Variants in INTS5 observed in about 807,000 individuals in gnomAD.
The protein encoded by INTS5 is integrator complex subunit 5.
In INTS5, 29 loss-of-function variants were observed where a neutral mutation model predicts 60.0. That is an observed-to-expected ratio of 0.48 (90% confidence interval 0.36 to 0.66). The LOEUF is 0.66. Ranked by LOEUF, INTS5 falls within the 30% of genes least tolerant of loss-of-function variation. The probability of loss-of-function intolerance (pLI) is 0.00; values close to 1 mark genes in which losing one functional copy is unlikely to be tolerated. For synonymous variants in INTS5, 588 were observed against 558.8 expected, an observed-to-expected ratio of 1.05 and a Z score of -0.74; for missense variants, 1,129 against 1,307.9, an observed-to-expected ratio of 0.86 and a Z score of 2.11.
rs1303754058 is a variant in INTS5, at chr11:62,649,486, C to T, written c.594G>A (p.Ser198=). The T allele has an allele frequency of 6.8e-6, 11 of 1,614,072 alleles. No individual in the cohort carries two copies. The highest frequency in any genetic ancestry group is 4.5e-5 in the East Asian group (2 of 44,908). The change falls in exon 2 of 2, where the codon TCG becomes TCA. Residue 198 remains serine, a synonymous_variant. Transcript: ENST00000330574. The surrounding 1 kb of genome is among the most constrained non-coding windows in gnomAD (Gnocchi z 6.0). Reference sequence around the variant, plus strand: ...CATCTGGGCAGCTACCAATGAGAGCCGAGAGGCACTGCACATAGATGTCCA... The same window carrying T: ...CATCTGGGCAGCTACCAATGAGAGCTGAGAGGCACTGCACATAGATGTCCA... ...TLMDIYVQCL[S]ALIGSCPDAC... is the part of the protein sequence containing the mutation.
In INTS5 at chr11:62,648,321, GCTGTTCCCACCCTA is replaced by G; in HGVS notation, c.1745_1758del (p.Val582AlafsTer23). The G allele has an allele frequency of 6.2e-7, 1 of 1,613,844 alleles. No homozygotes were observed. The highest frequency in any genetic ancestry group is 8.5e-7 in the Non-Finnish European group (1 of 1,179,994). On this transcript the variant is annotated frameshift_variant, in exon 2 of 2. Coordinates refer to ENST00000330574, the MANE Select transcript of INTS5 (RefSeq NM_030628.2). LOFTEE classifies it high-confidence loss of function. The surrounding 1 kb of genome is among the most constrained non-coding windows in gnomAD (Gnocchi z 4.4). ...AGGGCTGCAGGGCCCTCGCCACCCT[GCTGTTCCCACCCTA>G]CTAGCAGTGCCAAGTTGCGCAGGAA... is the stretch of plus-strand genomic sequence containing the variant.
In INTS5 at chr11:62,649,031, G is replaced by A; in HGVS notation, c.1049C>T (p.Ala350Val). ...CTCTCCAGAGACAGTGCCCAGCAAA[G>A]CTGGTGACATGACTGCCAGCTGCAG... is the stretch of plus-strand genomic sequence containing the variant. The part of the protein sequence containing the change: ...FLLQLAVMSP[A>V]LLGTVSGELV... The change falls in exon 2 of 2, where the codon GCT (alanine) becomes GTT (valine). Residue 350 changes from alanine (A) to valine (V), a missense_variant. Transcript: ENST00000330574. This position sits in a 1 kb window ranked among gnomAD's most constrained non-coding sequence, Gnocchi z 6.0. The A allele has an allele frequency of 6.2e-7, 1 of 1,612,746 alleles. No homozygotes were observed. Among genetic ancestry groups the A allele is most frequent in the Non-Finnish European group, 8.5e-7 (1 of 1,179,114 alleles).
Position 62,647,769 on chromosome 11 carries a change from C to G in INTS5, c.2311G>C (p.Glu771Gln), listed in dbSNP as rs1944542653. Residue 771 changes from glutamate to glutamine, a missense_variant, in exon 2 of 2, where the codon GAA becomes CAA. Coordinates refer to ENST00000330574, the MANE Select transcript of INTS5 (RefSeq NM_030628.2). ...PKFVQSRNQQ[E>Q]VIYNTQSLLS... ...AGGCTCTGGGTGTTATAGATCACTT[C>G]CTGCTGATTTCGTGACTGGACAAAC... The G allele has an allele frequency of 1.2e-6, 2 of 1,614,094 alleles. No individual in the cohort carries two copies. The highest frequency in any genetic ancestry group is 2.2e-5 in the South Asian group (2 of 91,090).
intron 1 of INTS5, 37 bp downstream of exon 1, chr11:62,653,133 C>G: frequency 6.7e-6 from 8 of 1,202,498 alleles, no homozygotes; most frequent in Non-Finnish European, 8.5e-6. Flanking sequence ...GGCGCGGGGC[C>G]GCGCGATGGG....
rs1228874159 is a variant in INTS5, at chr11:62,647,568, G to C, written c.2512C>G (p.Arg838Gly). 6.2e-7 allele frequency: 1 copy of C among 1,613,746 alleles called. No individual in the cohort carries two copies. The highest frequency in any genetic ancestry group is 8.5e-7 in the Non-Finnish European group (1 of 1,180,020). The change falls in exon 2 of 2, where the codon CGG becomes GGG. Residue 838 changes from arginine to glycine, a missense_variant. Arg to Gly is a moderately radical substitution (Grantham distance 125). Around this residue, in one of 3 missense-constraint regions of INTS5, gnomAD observed 1,070 missense variants for 1,246.1 expected, o/e 0.86. Coordinates refer to ENST00000330574, the MANE Select transcript of INTS5 (RefSeq NM_030628.2). ...CGGAGATCCCGCTCCACGGTGGCCC[G>C]GGCGTGTTCCTCGGGGGGCCAGGCC... is the stretch of plus-strand genomic sequence containing the variant. ...ELAWPPEEHARATVERDLRIG... is the reference protein window; with the variant it reads ...ELAWPPEEHAGATVERDLRIG...
In INTS5 at chr11:62,646,928, A is replaced by T; in HGVS notation, c.*92T>A. On this transcript the variant is annotated 3_prime_UTR_variant, in exon 2 of 2. Coordinates refer to ENST00000330574, the MANE Select transcript of INTS5 (RefSeq NM_030628.2). The stretch of plus-strand genomic sequence containing the variant: ...AGTGACAGCGCTCTTTAGACCAAGG[A>T]CTTAGAAGAGAAACCTCCACCCTTC... 9.2e-7 allele frequency: 1 copy of T among 1,091,538 alleles called. No homozygotes were observed. The highest frequency in any genetic ancestry group is 1.3e-6 in the Non-Finnish European group (1 of 750,178). The allele number at this position is 1,091,538 out of a possible 1,614,324, so 67.6% of individuals were successfully genotyped here.
intron 1 of INTS5, among the ~76,000 whole-genome samples, chr11:62,652,250 C>T (rs942072735): frequency 1.3e-5 from 2 of 151,546 alleles, no homozygotes; most frequent in Non-Finnish European, 2.9e-5. Flanking sequence ...ACCCAGGAGG[C>T]GGAGGTTGCA....
Position 62,649,956 on chromosome 11 carries a change from C to T in INTS5, c.124G>A (p.Val42Ile), listed in dbSNP as rs1251064450. The T allele has an allele frequency of 1.4e-5, 22 of 1,614,056 alleles. No homozygotes were observed. Among genetic ancestry groups the T allele is most frequent in the Non-Finnish European group, 1.8e-5 (21 of 1,180,044 alleles). Residue 42 changes from valine (V) to isoleucine (I), a missense_variant, in exon 2 of 2, where the codon GTA becomes ATA. This residue lies in a region of INTS5 where 5 missense variants were observed against 18.6 expected (regional missense o/e 0.27). Transcript: ENST00000330574. The surrounding 1 kb of genome is among the most constrained non-coding windows in gnomAD (Gnocchi z 6.0). Reference sequence around the variant, plus strand: ...AGTTGGTGGCCCAGAATGGGGTCTACGCCAGTCAGAAAAGCCTTGATTTCC... The same window carrying T: ...AGTTGGTGGCCCAGAATGGGGTCTATGCCAGTCAGAAAAGCCTTGATTTCC... ...SQEIKAFLTG[V>I]DPILGHQLSA...
At position 62,651,768 on chromosome 11, in the gene INTS5, G is replaced by T. The variant is rs9734446; in HGVS notation, c.80+1402C>A. 8.3e-3 allele frequency among the ~76,000 whole-genome samples: 1,268 copies of T among 152,178 alleles called. 17 individuals are homozygous for T. Among genetic ancestry groups the T allele is most frequent in the African/African-American group, 0.029 (1,220 of 41,502 alleles). On this transcript the variant is annotated intron_variant, in intron 1 of 1. Coordinates refer to ENST00000330574, the MANE Select transcript of INTS5 (RefSeq NM_030628.2). ...GGTCCCACCTACTGGGGAGGTTGAG[G>T]CAGAAGGATCACTTGAGCCCTGGAA...
At chr11:62,651,259 C>T (rs1267428136) in intron 1 of INTS5, among the ~76,000 whole-genome samples, 3 of 151,982 alleles carry the variant, frequency 2.0e-5, no homozygotes, top group South Asian at 2.1e-4. Flanking sequence ...TACAGGCGCC[C>T]GCCACCACGC....
Position 62,647,447 on chromosome 11 carries a change from A to G in INTS5, c.2633T>C (p.Leu878Pro). ...PPALCYCSVL[L>P]RGLLAALLGH... ...CAAGAGGGCGGCCAGCAGCCCCCGA[A>G]GCAGCACGGAACAGTAGCACAGGGC... is the stretch of plus-strand genomic sequence containing the variant. Residue 878 changes from leucine to proline, a missense_variant, in exon 2 of 2, where the codon CTT becomes CCT. Around this residue, in one of 3 missense-constraint regions of INTS5, gnomAD observed 1,070 missense variants for 1,246.1 expected, o/e 0.86. Coordinates refer to ENST00000330574, the MANE Select transcript of INTS5 (RefSeq NM_030628.2). The G allele has an allele frequency of 1.2e-6, 2 of 1,607,672 alleles. No individual in the cohort carries two copies. Among genetic ancestry groups the G allele is most frequent in the East Asian group, 2.2e-5 (1 of 44,810 alleles).
At position 62,647,674 on chromosome 11, in the gene INTS5, G is replaced by A; in HGVS notation, c.2406C>T (p.Pro802=). Residue 802 remains proline, a synonymous_variant, in exon 2 of 2, where the codon CCC becomes CCT. Coordinates refer to ENST00000330574, the MANE Select transcript of INTS5 (RefSeq NM_030628.2). ...CTTTGGCTGCCTCTGGACTCAAGAT[G>A]GGTGCCCCCCAGCATTCCCCACATT... ...GTECGECWGA[P]ILSPEAAKAV... 3 of 1,614,098 alleles carry A rather than the reference G, an allele frequency of 1.9e-6. No homozygotes were observed. Among genetic ancestry groups the A allele is most frequent in the South Asian group, 1.1e-5 (1 of 91,088 alleles).
Position 62,647,403 on chromosome 11 carries a change from G to A in INTS5, c.2677C>T (p.Arg893Cys), listed in dbSNP as rs1944533463. 1 of 1,611,692 alleles carries A rather than the reference G, an allele frequency of 6.2e-7. No individual in the cohort carries two copies. The highest frequency in any genetic ancestry group is 8.5e-7 in the Non-Finnish European group (1 of 1,178,862). ...AALLGHWEAS[R>C]HPDTTHSPWH... The stretch of plus-strand genomic sequence containing the variant: ...GGGGAGTGGGTCGTGTCAGGGTGGC[G>A]AGAGGCTTCCCAATGGCCCAAGAGG... The change falls in exon 2 of 2, where the codon CGC (arginine) becomes TGC (cysteine). Residue 893 changes from arginine (R) to cysteine (C), a missense_variant. Coordinates refer to ENST00000330574, the MANE Select transcript of INTS5 (RefSeq NM_030628.2).
In INTS5 at chr11:62,649,069, C is replaced by T. The variant is rs747323715; in HGVS notation, c.1011G>A (p.Thr337=). 43 of 1,610,996 alleles carry T rather than the reference C, an allele frequency of 2.7e-5. No individual in the cohort carries two copies. Among genetic ancestry groups the T allele is most frequent in the African/African-American group, 4.0e-5 (3 of 74,872 alleles). The change falls in exon 2 of 2, where the codon ACG becomes ACA. Residue 337 remains threonine (T), a synonymous_variant. Transcript: ENST00000330574. This position sits in a 1 kb window ranked among gnomAD's most constrained non-coding sequence, Gnocchi z 6.0. ...GRSGDPSLQA[T]VPFLLQLAVM... ...CTGCCAGCTGCAGTAGGAACGGAAC[C>T]GTGGCCTGAAGGGAGGGGTCCCCAC...
Position 62,647,799 on chromosome 11 carries a change from G to A in INTS5, c.2281C>T (p.Pro761Ser). The part of the protein sequence containing the change: ...AGVIGRGLKP[P>S]KFVQSRNQQE... ...TGATTTCGTGACTGGACAAACTTGG[G>A]TGGCTTTAAGCCACGGCCGATGACT... is the stretch of plus-strand genomic sequence containing the variant. Residue 761 changes from proline (P) to serine (S), a missense_variant, in exon 2 of 2, where the codon CCC becomes TCC. Physicochemically the swap from Pro to Ser is moderately conservative, Grantham distance 74 (BLOSUM62 -1). Coordinates refer to ENST00000330574, the MANE Select transcript of INTS5 (RefSeq NM_030628.2). 1.9e-6 allele frequency: 3 copies of A among 1,614,216 alleles called. No homozygotes were observed. Among genetic ancestry groups the A allele is most frequent in the Non-Finnish European group, 1.7e-6 (2 of 1,180,048 alleles).
rs147208114 is a variant in INTS5, at chr11:62,648,574, G to C, written c.1506C>G (p.Leu502=). The change falls in exon 2 of 2, where the codon CTC becomes CTG. Residue 502 remains leucine (L), a synonymous_variant. Transcript: ENST00000330574. The surrounding 1 kb of genome is among the most constrained non-coding windows in gnomAD (Gnocchi z 4.4). ...ERKRFLWQHQ[L]LGLLSVYTRP... is the part of the protein sequence containing the mutation. ...GGGTATAGACAGACAGCAGGCCCAA[G>C]AGCTGGTGCTGCCAGAGGAAGCGCT... The C allele has an allele frequency of 5.9e-5, 95 of 1,614,020 alleles. No individual in the cohort carries two copies. The highest frequency in any genetic ancestry group is 7.9e-5 in the Non-Finnish European group (93 of 1,180,028).
Position 62,650,140 on chromosome 11 carries a change from G to A in INTS5, c.81-141C>T, listed in dbSNP as rs1590838717. ...ATAAGAGAATTTTTTTTTTTGAGAT[G>A]GAGTCTCGCTCTGTTGTCCAGGCTG... On this transcript the variant is annotated intron_variant, in intron 1 of 1. Transcript: ENST00000330574. The A allele has an allele frequency of 9.0e-6, 6 of 664,698 alleles. No homozygotes were observed. In the East Asian group the frequency reaches 1.6e-4, roughly 18 times the overall value. The allele number at this position is 664,698 out of a possible 1,614,324, so 41.2% of individuals were successfully genotyped here. A position where few individuals can be genotyped will look rare whatever the true frequency, so the allele number is the denominator to read the frequency against.
rs1463759816 is a variant in INTS5, at chr11:62,647,087, C to T, written c.2993G>A (p.Arg998His). The stretch of plus-strand genomic sequence containing the variant: ...GAAACGGCCAGAGAAAAGACCTAGG[C>T]GGTCGATGTTGCGGTGGAGGACACT... ...LHSVLHRNID[R>H]LGLFSGRFQA... Residue 998 changes from arginine to histidine, a missense_variant, in exon 2 of 2, where the codon CGC becomes CAC. Coordinates refer to ENST00000330574, the MANE Select transcript of INTS5 (RefSeq NM_030628.2). 3 of 1,614,110 alleles carry T rather than the reference C, an allele frequency of 1.9e-6. No individual in the cohort carries two copies. The East Asian group carries it at 6.7e-5, about 36-fold the overall frequency.
intron 1 of INTS5, among the ~76,000 whole-genome samples, chr11:62,652,575 G>A (rs890987570): frequency 2.6e-5 from 4 of 152,076 alleles, no homozygotes; most frequent in Non-Finnish European, 5.9e-5. Context: ...GTGTCCCAGG[G>A]CACAGAGTAA....
Sources: allele counts gnomAD v4.1 joint callset (sites outside exome capture counted in the v4.1 genomes callset), GRCh38; gene constraint gnomAD v4.1.1; regional missense constraint gnomAD v4.1.1; non-coding constraint Gnocchi (gnomAD v3.1); transcripts MANE v1.5; gene names NCBI Gene and HGNC (gene_info 2026-07-23, HGNC 2026-07-21).